The following CPHXL2 variants were observed in gnomAD, a reference collection of about 807,000 sequenced individuals.
CPHXL2 encodes the protein cytoplasmic polyadenylated homeobox like 2.
At chr16:75,676,849 C>A in the CPHXL2 span, 10 of 397,352 alleles carry the variant, frequency 2.5e-5, no homozygotes, top group Non-Finnish European at 3.5e-5. Context: ...TGTTGTACCC[C>A]CAGTGAATAA....
chr16:75,662,883 CCGCCT>C, the CPHXL2 span, among the ~76,000 whole-genome samples: 1 of 150,546 alleles, frequency 6.6e-6, no homozygotes, highest in Non-Finnish European at 1.5e-5. Flanking sequence ...ACTTCAAGCT[CCGCCT>C]CCCAGGTTCA....
the CPHXL2 span, among the ~76,000 whole-genome samples, chr16:75,663,885 CAAAA>C: frequency 4.7e-5 from 4 of 85,484 alleles, no homozygotes; most frequent in South Asian, 4.0e-4. Context: ...GACTCTGTCT[CAAAA>C]AAAAAAAAAA....
At chr16:75,671,624 T>C in the CPHXL2 span, among the ~76,000 whole-genome samples, 1 of 152,188 alleles carries the variant, frequency 6.6e-6, no homozygotes, top group African/African-American at 2.4e-5. Context: ...ATAGACACTT[T>C]AAAGCACAAC....
chr16:75,664,625 CA>C, the CPHXL2 span, among the ~76,000 whole-genome samples: 836 of 113,030 alleles, frequency 7.4e-3, 11 homozygotes, highest in African/African-American at 0.028. Flanking sequence ...AACTCCATCT[CA>C]AAAAAAAAAA....
chr16:75,675,083 G>A, the CPHXL2 span, among the ~76,000 whole-genome samples: 1 of 150,722 alleles, frequency 6.6e-6, no homozygotes, highest in African/African-American at 2.4e-5. Context: ...CAGCTACTCA[G>A]GAGGCTTAGG....
At chr16:75,672,098 C>T in the CPHXL2 span, among the ~76,000 whole-genome samples, 2 of 148,588 alleles carry the variant, frequency 1.3e-5, no homozygotes, top group Admixed American at 7.0e-5. Context: ...ATGGTGAAAC[C>T]GTCTCTACTA....
the CPHXL2 span, among the ~76,000 whole-genome samples, chr16:75,665,718 C>T: frequency 6.6e-6 from 1 of 152,124 alleles, no homozygotes; most frequent in Non-Finnish European, 1.5e-5. Context: ...CAAAAATTAT[C>T]TGGACATGGT....
chr16:75,664,213 C>T, the CPHXL2 span, among the ~76,000 whole-genome samples: 1 of 152,224 alleles, frequency 6.6e-6, no homozygotes, highest in East Asian at 1.9e-4. Flanking sequence ...AAGTTGTGGC[C>T]TGACCACCTT....
chr16:75,663,226 G>A, the CPHXL2 span, among the ~76,000 whole-genome samples: 2 of 152,010 alleles, frequency 1.3e-5, no homozygotes, highest in African/African-American at 4.8e-5. Context: ...GCTATTAGGA[G>A]CACTGAAGCT....
the CPHXL2 span, chr16:75,661,316 T>G: frequency 5.0e-6 from 2 of 399,476 alleles, no homozygotes; most frequent in African/African-American, 4.1e-5. Flanking sequence ...TATGCATTCC[T>G]TAATGTAGGA....
At chr16:75,674,594 A>C in the CPHXL2 span, among the ~76,000 whole-genome samples, 1 of 152,210 alleles carries the variant, frequency 6.6e-6, no homozygotes, top group Non-Finnish European at 1.5e-5. Context: ...TGATAAGCTG[A>C]TCTTAAAATT....
the CPHXL2 span, among the ~76,000 whole-genome samples, chr16:75,668,366 T>C: frequency 1.3e-5 from 2 of 151,788 alleles, no homozygotes; most frequent in African/African-American, 4.8e-5. Flanking sequence ...GTAGCTGAGA[T>C]TACAGGCACG....
chr16:75,666,981 A>G, the CPHXL2 span, among the ~76,000 whole-genome samples: 1 of 152,178 alleles, frequency 6.6e-6, no homozygotes, highest in African/African-American at 2.4e-5. Flanking sequence ...GTGAATGATC[A>G]TTGGGTCAAC....
the CPHXL2 span, among the ~76,000 whole-genome samples, chr16:75,662,796 CTTTTTTT>C: frequency 0.028 from 3,485 of 123,154 alleles, 49 homozygotes; most frequent in Middle Eastern, 0.076. Context: ...GGAGATAATT[CTTTTTTT>C]TTTTTTTTTT....
At chr16:75,661,324 G>A in the CPHXL2 span, 1 of 398,926 alleles carries the variant, frequency 2.5e-6, no homozygotes. Flanking sequence ...CCTTAATGTA[G>A]GAGGCTTTTT....
chr16:75,666,769 A>C, the CPHXL2 span, among the ~76,000 whole-genome samples: 2 of 152,216 alleles, frequency 1.3e-5, no homozygotes, highest in Non-Finnish European at 2.9e-5. Flanking sequence ...TAGCAAGTGC[A>C]GAATGTACAT....
the CPHXL2 span, among the ~76,000 whole-genome samples, chr16:75,662,549 GA>G: frequency 1.6e-4 from 24 of 151,968 alleles, no homozygotes; most frequent in African/African-American, 5.8e-4. Context: ...CATTAGTGTA[GA>G]AAAAGACATA....
At chr16:75,670,128 C>T in the CPHXL2 span, among the ~76,000 whole-genome samples, 1 of 152,118 alleles carries the variant, frequency 6.6e-6, no homozygotes, top group Non-Finnish European at 1.5e-5. Context: ...GTTGGCCAGG[C>T]TGGTCTTGAA....
chr16:75,673,939 C>T, the CPHXL2 span, among the ~76,000 whole-genome samples: 1 of 146,952 alleles, frequency 6.8e-6, no homozygotes, highest in African/African-American at 2.5e-5. Flanking sequence ...GAGATTGTGC[C>T]ACTGCACTCC....
Sources: allele counts gnomAD v4.1 joint callset (sites outside exome capture counted in the v4.1 genomes callset), GRCh38; gene constraint gnomAD v4.1.1; transcripts MANE v1.5; gene names NCBI Gene and HGNC (gene_info 2026-07-23, HGNC 2026-07-21).